ZNF423: variants seen among roughly 807,000 people sequenced by gnomAD.
ZNF423 encodes Ebf-associated zinc finger protein.
Under a neutral mutation model 95.8 loss-of-function variants are expected in ZNF423, and 12 were observed. That is an observed-to-expected ratio of 0.13 (90% CI 0.08 to 0.20). The LOEUF (loss-of-function observed/expected upper bound fraction) is 0.20, where lower values mean the gene tolerates loss of function less well. Ranked by LOEUF, ZNF423 falls within the 10% of genes least tolerant of loss-of-function variation. The pLI is 1.00. For synonymous variants in ZNF423, 749 were observed against 711.9 expected (o/e 1.05, Z -0.83); for missense variants, 1,316 against 1,737.1 (o/e 0.76, Z 4.31).
In ZNF423 at chr16:49,794,471, TC is replaced by T. The variant is rs2034468082; in HGVS notation, c.41-4926del. Among the ~76,000 whole-genome samples the T allele has an allele frequency of 4.6e-5, 7 of 152,278 alleles. No homozygotes were observed. The South Asian group carries it at 1.5e-3, about 32-fold the overall frequency. On this transcript the variant is annotated intron_variant, in intron 1 of 7. Coordinates refer to ENST00000563137, the MANE Select transcript of ZNF423 (RefSeq NM_001379286.1). ...TTTTGCACTCTTTGTCTCAAAGGAC[TC>T]CCCCAGTTGTTTCAGCCATACGGCC...
chr16:49,674,445 CT>C (rs1002908348), intron 3 of ZNF423, among the ~76,000 whole-genome samples: 2 of 152,194 alleles, frequency 1.3e-5, no homozygotes, highest in Admixed American at 1.3e-4. Context: ...CGTCATCCCA[CT>C]TTACAAGGGA....
intron 7 of ZNF423, among the ~76,000 whole-genome samples, chr16:49,507,381 G>A (rs1967689094): frequency 6.6e-6 from 1 of 151,924 alleles, no homozygotes; most frequent in Non-Finnish European, 1.5e-5. Flanking sequence ...CCATTCTCCT[G>A]CCTCAGCCTC....
At chr16:49,535,961 CCG>C (rs1216257496) in intron 5 of ZNF423, among the ~76,000 whole-genome samples, 2 of 152,146 alleles carry the variant, frequency 1.3e-5, no homozygotes, top group African/African-American at 4.8e-5. Flanking sequence ...CTTATTGTCA[CCG>C]ACCCTGCCAG....
At chr16:49,597,599 A>G (rs1971224040) in intron 5 of ZNF423, among the ~76,000 whole-genome samples, 1 of 152,056 alleles carries the variant, frequency 6.6e-6, no homozygotes, top group African/African-American at 2.4e-5. Context: ...TCCTTTGGAC[A>G]GCCTGCTGTA....
chr16:49,812,838 G>A (rs2034775228), intron 1 of ZNF423, among the ~76,000 whole-genome samples: 1 of 152,168 alleles, frequency 6.6e-6, no homozygotes, highest in South Asian at 2.1e-4. Flanking sequence ...GAATTTTCAT[G>A]TGTCTGAACA....
At chr16:49,805,018 G>A (rs573186396) in intron 1 of ZNF423, among the ~76,000 whole-genome samples, 5 of 150,154 alleles carry the variant, frequency 3.3e-5, no homozygotes, top group African/African-American at 1.2e-4. Context: ...TCCTGCCTCA[G>A]CCTCCCAAGT....
At chr16:49,789,908 T>C (rs1036316460) in intron 1 of ZNF423, among the ~76,000 whole-genome samples, 1 of 152,094 alleles carries the variant, frequency 6.6e-6, no homozygotes, top group Non-Finnish European at 1.5e-5. Context: ...GACCCACAGA[T>C]AGACCTCAGG....
rs58692079 is a variant in ZNF423 at position 49,815,914 on chromosome 16, A to ATTTTTT, written c.41-26374_41-26369dup. On this transcript the variant is annotated intron_variant, in intron 1 of 7. Coordinates refer to ENST00000563137, the MANE Select transcript of ZNF423 (RefSeq NM_001379286.1). ...TATATATATATATATATATATATAT[A>ATTTTTT]TTTTTTTTTTTTTTTTTTTTTTGAG... Among the ~76,000 whole-genome samples, 23 of 29,798 alleles carry ATTTTTT rather than the reference A, an allele frequency of 7.7e-4. 1 individual carries two copies. The highest frequency in any genetic ancestry group is 1.2e-3 in the East Asian group (1 of 824). 19.5% of individuals were successfully genotyped at this position (29,798 alleles called of 152,430 possible).
chr16:49,595,371 C>T (rs1971149944), intron 5 of ZNF423, among the ~76,000 whole-genome samples: 1 of 152,198 alleles, frequency 6.6e-6, no homozygotes, highest in South Asian at 2.1e-4. Flanking sequence ...GCTAAACTGC[C>T]CTCCAAACAG....
At chr16:49,586,195 CCT>C (rs1970826308) in intron 5 of ZNF423, among the ~76,000 whole-genome samples, 1 of 152,168 alleles carries the variant, frequency 6.6e-6, no homozygotes, top group Non-Finnish European at 1.5e-5. Flanking sequence ...GCCCAGCAGA[CCT>C]CTTCCCGCCT....
chr16:49,855,165 C>A lies in ZNF423; in HGVS notation c.40+570G>T, dbSNP rs547595637. ...GGGAGGGGGCGCCAGGCGGCCGGGGCGAGGGCGCGGCGCCCGGGGCGCTCG... is the reference window on the plus strand; with the variant it reads ...GGGAGGGGGCGCCAGGCGGCCGGGGAGAGGGCGCGGCGCCCGGGGCGCTCG... On this transcript the variant is annotated intron_variant, in intron 1 of 7. Transcript: ENST00000563137. The surrounding 1 kb of genome is among the most constrained non-coding windows in gnomAD (Gnocchi z 4.7). Among the ~76,000 whole-genome samples the A allele has an allele frequency of 5.3e-5, 8 of 149,848 alleles. No homozygotes were observed. Among genetic ancestry groups the A allele is most frequent in the South Asian group, 4.2e-4 (2 of 4,790 alleles).
chr16:49,584,998 C>T (rs189973102), intron 5 of ZNF423, among the ~76,000 whole-genome samples: 42 of 152,260 alleles, frequency 2.8e-4, no homozygotes, highest in African/African-American at 1.0e-3. Context: ...TAGCTAAGTG[C>T]ACCAGGCTCC....
At chr16:49,831,151 C>T (rs2035056701) in intron 1 of ZNF423, among the ~76,000 whole-genome samples, 1 of 152,128 alleles carries the variant, frequency 6.6e-6, no homozygotes, top group South Asian at 2.1e-4. Context: ...AAGTACAGCT[C>T]ATGAAGACTG....
chr16:49,724,935 G>C (rs35175122), intron 3 of ZNF423, among the ~76,000 whole-genome samples: 14 of 151,976 alleles, frequency 9.2e-5, no homozygotes, highest in Non-Finnish European at 1.6e-4. Context: ...TTTGGAAGTT[G>C]AGCATTCAAA....
At chr16:49,552,502 A>G (rs1969679167) in intron 5 of ZNF423, among the ~76,000 whole-genome samples, 1 of 152,186 alleles carries the variant, frequency 6.6e-6, no homozygotes. Context: ...CTCCAGCTTG[A>G]TATGAATATT....
chr16:49,528,851 G>A (rs970016560), intron 5 of ZNF423, among the ~76,000 whole-genome samples: 1 of 152,018 alleles, frequency 6.6e-6, no homozygotes, highest in South Asian at 2.1e-4. Context: ...GACCCAATGT[G>A]AGCCAGCCCA....
At chr16:49,717,003 A>G (rs1286235683) in intron 3 of ZNF423, among the ~76,000 whole-genome samples, 1 of 152,080 alleles carries the variant, frequency 6.6e-6, no homozygotes, top group Non-Finnish European at 1.5e-5. Context: ...CCACATGCCC[A>G]TCTCTCAGCC....
intron 3 of ZNF423, among the ~76,000 whole-genome samples, chr16:49,672,312 C>T (rs935406404): frequency 6.6e-6 from 1 of 152,202 alleles, no homozygotes; most frequent in Non-Finnish European, 1.5e-5. Context: ...ACCTCCACTG[C>T]CTCTTTAATC....
intron 2 of ZNF423, among the ~76,000 whole-genome samples, chr16:49,757,002 C>A (rs934112815): frequency 6.6e-6 from 1 of 152,274 alleles, no homozygotes; most frequent in African/African-American, 2.4e-5. Context: ...AGTGAGAAGT[C>A]CCATTTTGTG....
Sources: gnomAD v4.1 joint callset for allele counts (sites outside exome capture counted in the v4.1 genomes callset) on GRCh38, gnomAD v4.1.1 for gene constraint, Gnocchi (gnomAD v3.1) non-coding constraint, MANE v1.5 for transcripts, NCBI Gene and HGNC (gene_info 2026-07-23, HGNC 2026-07-21) for gene names.